The following TMA16 variants were observed in gnomAD, a reference collection of about 807,000 sequenced individuals.
The protein encoded by TMA16 is translation machinery associated 16 homolog.
A neutral mutation model predicts 27.1 loss-of-function variants in TMA16; 26 were observed. The ratio of observed to expected loss-of-function variants is 0.96; its 90% CI spans 0.70 to 1.33. TMA16 has a LOEUF of 1.33. Among genes scored for constraint, TMA16 ranks in the 40% most tolerant of loss-of-function variants. The pLI is 0.00. For synonymous variants in TMA16, 71 were observed against 81.9 expected (o/e 0.87, Z 0.72); for missense variants, 233 against 241.4 (o/e 0.97, Z 0.23).
intron 1 of TMA16, among the ~76,000 whole-genome samples, chr4:163,503,008 T>C (rs548102809): frequency 6.6e-6 from 1 of 152,322 alleles, no homozygotes; most frequent in African/African-American, 2.4e-5. Context: ...TAGACATGTT[T>C]AGATACACAA....
intron 1 of TMA16, among the ~76,000 whole-genome samples, chr4:163,498,638 G>C (rs962513463): frequency 6.6e-6 from 1 of 151,972 alleles, no homozygotes; most frequent in Admixed American, 6.6e-5. Context: ...ATCTTGATGG[G>C]TACTATCTTT....
In TMA16 at chr4:163,519,965, A is replaced by G. The variant is rs538292250; in HGVS notation, c.*451A>G. 1.7e-6 allele frequency: 1 copy of G among 596,418 alleles called. No individual in the cohort carries two copies. The highest frequency in any genetic ancestry group is 3.1e-5 in the East Asian group (1 of 32,292). 36.9% of individuals were successfully genotyped at this position (596,418 alleles called of 1,614,324 possible). ...AATGCTTCTTTTAAACATTAAACCT[A>G]TTTTCCTTTTTTACAGAATAAGGGA... On this transcript the variant is annotated 3_prime_UTR_variant, in exon 7 of 7. Transcript: ENST00000358572.
intron 2 of TMA16, among the ~76,000 whole-genome samples, chr4:163,507,987 G>A (rs865806159): frequency 6.6e-6 from 1 of 151,788 alleles, no homozygotes; most frequent in Middle Eastern, 3.2e-3. Context: ...CAGTGATTTG[G>A]CTAGAAGGAA....
chr4:163,514,102 T>C lies in TMA16; in HGVS notation c.183T>C (p.His61=). ...AAAAACTGCAATGGTTTCAAAATCA[T>C]CTTGATCCCCAAAAAAAGAGATATT... ...VGEKLQWFQN[H]LDPQKKRYSK... The change falls in exon 4 of 7, where the codon CAT becomes CAC. Residue 61 remains histidine (H), a synonymous_variant. Transcript: ENST00000358572. The C allele has an allele frequency of 1.2e-6, 2 of 1,610,472 alleles. No individual in the cohort carries two copies. The highest frequency in any genetic ancestry group is 2.2e-5 in the East Asian group (1 of 44,636).
chr4:163,519,530 T>C lies in TMA16; in HGVS notation c.*16T>C. 1 of 1,539,674 alleles carries C rather than the reference T, an allele frequency of 6.5e-7. No individual in the cohort carries two copies. Among genetic ancestry groups the C allele is most frequent in the Non-Finnish European group, 8.7e-7 (1 of 1,152,370 alleles). ...AGTGGCCTAATTGTCTTCACTTGAATTGAAAATAAATAATTTGAGAGCTTC... is the reference window on the plus strand; with the variant it reads ...AGTGGCCTAATTGTCTTCACTTGAACTGAAAATAAATAATTTGAGAGCTTC... On this transcript the variant is annotated 3_prime_UTR_variant, in exon 7 of 7. Transcript: ENST00000358572.
At chr4:163,501,606 A>G (rs569440604) in intron 1 of TMA16, among the ~76,000 whole-genome samples, 1 of 152,308 alleles carries the variant, frequency 6.6e-6, no homozygotes, top group South Asian at 2.1e-4. Flanking sequence ...GTTTCGTTGC[A>G]AAGAGTGTTT....
chr4:163,498,478 G>A (rs1579013280), intron 1 of TMA16, among the ~76,000 whole-genome samples: 1 of 151,738 alleles, frequency 6.6e-6, no homozygotes. Context: ...TAGTAGAGAC[G>A]GGGTTTCACC....
chr4:163,509,872 A>G (rs1737767596), intron 2 of TMA16, among the ~76,000 whole-genome samples: 2 of 152,210 alleles, frequency 1.3e-5, no homozygotes, highest in South Asian at 4.1e-4. Flanking sequence ...GCAAATGAAA[A>G]TGACTCCTAA....
chr4:163,494,694 G>A lies in TMA16; in HGVS notation c.-108G>A, dbSNP rs1453565507. The A allele has an allele frequency of 4.0e-6, 6 of 1,504,550 alleles. No homozygotes were observed. The highest frequency in any genetic ancestry group is 4.6e-6 in the Non-Finnish European group (5 of 1,084,966). The allele number at this position is 1,504,550 out of a possible 1,614,324, so 93.2% of individuals were successfully genotyped here. ...TTGGGTCGGCGCGGGCTTCTCAGGC[G>A]CCACGTGGGATTCGGCCCGGGTGCT... On this transcript the variant is annotated 5_prime_UTR_variant, in exon 1 of 7. Transcript: ENST00000358572.
At chr4:163,513,618 C>A (rs1171638563) in intron 3 of TMA16, among the ~76,000 whole-genome samples, 2 of 152,136 alleles carry the variant, frequency 1.3e-5, no homozygotes, top group Non-Finnish European at 2.9e-5. Flanking sequence ...TAACATCTCT[C>A]ATCTACAAAT....
chr4:163,515,147 C>T (rs532299304), intron 4 of TMA16, among the ~76,000 whole-genome samples, 166 bp from the exon 5 acceptor site: 23 of 152,024 alleles, frequency 1.5e-4, no homozygotes, highest in South Asian at 8.3e-4. Context: ...AAGAAATGGT[C>T]GAGTTATCCA....
chr4:163,515,643 A>G lies in TMA16; in HGVS notation c.388+182A>G, dbSNP rs956578684. 4.9e-6 allele frequency: 3 copies of G among 616,724 alleles called. No individual in the cohort carries two copies. The African/African-American group carries it at 5.6e-5, about 11-fold the overall frequency. The allele number at this position is 616,724 out of a possible 1,614,324, so 38.2% of individuals were successfully genotyped here. On this transcript the variant is annotated intron_variant, in intron 5 of 6. Transcript: ENST00000358572. ...TTTTTTTTCCCCTACATTCCCAACA[A>G]AACTATCAAGTTTGTGACAGTGATG...
intron 2 of TMA16, among the ~76,000 whole-genome samples, chr4:163,508,827 G>A (rs1400532358): frequency 6.6e-6 from 1 of 152,136 alleles, no homozygotes; most frequent in Non-Finnish European, 1.5e-5. Context: ...GGTATATTCA[G>A]CATGTTGTGT....
chr4:163,506,402 G>T (rs1737718840), intron 1 of TMA16, among the ~76,000 whole-genome samples: 2 of 152,264 alleles, frequency 1.3e-5, no homozygotes, highest in South Asian at 4.1e-4. Context: ...GTAAGATACA[G>T]GATTATGTAG....
chr4:163,499,183 AT>A (rs1737609329), intron 1 of TMA16, among the ~76,000 whole-genome samples: 2 of 152,120 alleles, frequency 1.3e-5, no homozygotes, highest in African/African-American at 4.8e-5. Flanking sequence ...ATTTGTATAT[AT>A]CTTTTGCTGA....
At chr4:163,495,725 TTTTCA>T (rs1464801466) in intron 1 of TMA16, among the ~76,000 whole-genome samples, 1 of 152,240 alleles carries the variant, frequency 6.6e-6, no homozygotes, top group Non-Finnish European at 1.5e-5. Flanking sequence ...TCTTTGTTTC[TTTTCA>T]TTTTTTTCTC....
chr4:163,512,837 G>T lies in TMA16; in HGVS notation c.132G>T (p.Lys44Asn). The T allele has an allele frequency of 6.2e-7, 1 of 1,604,130 alleles. No individual in the cohort carries two copies. The highest frequency in any genetic ancestry group is 8.5e-7 in the Non-Finnish European group (1 of 1,173,608). Reference sequence around the variant, plus strand: ...TCCTTCAAAGATTGAAGAATGAAAAGGCCTTGCGTCTCAACCTTGTTGGTA... The same window carrying T: ...TCCTTCAAAGATTGAAGAATGAAAATGCCTTGCGTCTCAACCTTGTTGGTA... Reference protein sequence around the residue: ...QEKKEKLKNEKALRLNLVGEK... With the variant: ...QEKKEKLKNENALRLNLVGEK... Residue 44 changes from lysine (K) to asparagine (N), a missense_variant, in exon 3 of 7, where the codon AAG becomes AAT. By Grantham distance (94) the Lys-to-Asn change is moderately conservative. Transcript: ENST00000358572.
chr4:163,511,675 A>G (rs1350884870), intron 2 of TMA16, among the ~76,000 whole-genome samples: 1 of 150,586 alleles, frequency 6.6e-6, no homozygotes, highest in Admixed American at 6.6e-5. Context: ...AAAAAAAAAA[A>G]GTAGCCAGGC....
intron 2 of TMA16, among the ~76,000 whole-genome samples, chr4:163,508,286 A>G (rs1425545063): frequency 1.3e-5 from 2 of 152,300 alleles, no homozygotes; most frequent in East Asian, 3.9e-4. Flanking sequence ...TCCAACCCCT[A>G]GAATTTTCTA....
Sources: allele counts gnomAD v4.1 joint callset (sites outside exome capture counted in the v4.1 genomes callset), GRCh38; gene constraint gnomAD v4.1.1; transcripts MANE v1.5; gene names NCBI Gene and HGNC (gene_info 2026-07-23, HGNC 2026-07-21).